RELN: variants seen among roughly 807,000 people sequenced by gnomAD.
RELN encodes reelin.
RELN carries 108 observed loss-of-function variants against 427.6 expected under a neutral mutation model. The observed-to-expected ratio is 0.25, with a 90% CI of 0.22 to 0.30. The LOEUF is 0.30. RELN is among the 10% of genes least tolerant of loss of function. The probability of loss-of-function intolerance (pLI) is 1.00; values close to 1 mark genes in which losing one functional copy is unlikely to be tolerated. For synonymous variants in RELN, 1,524 were observed against 1,513.4 expected (o/e 1.01, Z -0.16); for missense variants, 3,715 against 4,302.8 (o/e 0.86, Z 3.82).
At chr7:103,773,449 C>T (rs1219313293) in intron 4 of RELN, among the ~76,000 whole-genome samples, 2 of 145,278 alleles carry the variant, frequency 1.4e-5, no homozygotes, top group Non-Finnish European at 3.0e-5. Flanking sequence ...CTCTCTCCCT[C>T]GCTCCCTCCC....
intron 6 of RELN, among the ~76,000 whole-genome samples, chr7:103,729,295 T>C (rs1317768115): frequency 6.6e-6 from 1 of 152,170 alleles, no homozygotes; most frequent in Non-Finnish European, 1.5e-5. Context: ...AGCCGTTTGT[T>C]AATTTTAAAG....
intron 10 of RELN, among the ~76,000 whole-genome samples, chr7:103,697,541 C>T (rs1314763908): frequency 6.6e-6 from 1 of 152,084 alleles, no homozygotes; most frequent in Non-Finnish European, 1.5e-5. Context: ...TTTAACTCCC[C>T]CAAACTAAAC....
chr7:103,655,724 A>G (rs532297337), intron 12 of RELN, among the ~76,000 whole-genome samples: 78 of 152,250 alleles, frequency 5.1e-4, no homozygotes, highest in African/African-American at 1.3e-3. Context: ...AGACTTTCAT[A>G]GGATGTCCAT....
chr7:103,753,370 G>GA (rs1248409561), intron 4 of RELN, among the ~76,000 whole-genome samples, 156 bp from the exon 5 acceptor site: 1 of 152,092 alleles, frequency 6.6e-6, no homozygotes, highest in East Asian at 1.9e-4. Flanking sequence ...TGGAACCCTT[G>GA]AAAAAATAGA....
At chr7:103,553,385 T>G in intron 40 of RELN, 76 bp downstream of exon 40, 13 of 1,108,566 alleles carry the variant, frequency 1.2e-5, no homozygotes, top group Middle Eastern at 2.0e-4. Flanking sequence ...TGAAATTATC[T>G]GAGATTTTCC....
At chr7:103,495,216 C>A (rs1308256823) in intron 57 of RELN, among the ~76,000 whole-genome samples, 1 of 135,158 alleles carries the variant, frequency 7.4e-6, no homozygotes, top group Non-Finnish European at 1.5e-5. Flanking sequence ...CTCGTTCTGT[C>A]GCCCACAGTG....
intron 1 of RELN, among the ~76,000 whole-genome samples, chr7:103,959,636 G>A (rs995755039): frequency 6.6e-6 from 1 of 151,882 alleles, no homozygotes; most frequent in African/African-American, 2.4e-5. Context: ...TCTGAGACAG[G>A]GTCTCGTTCC....
intron 2 of RELN, among the ~76,000 whole-genome samples, chr7:103,874,883 A>G (rs1584321485): frequency 6.8e-6 from 1 of 147,342 alleles, no homozygotes; most frequent in Admixed American, 6.8e-5. Context: ...GAACCAAAAA[A>G]GAGCCTGCAT....
intron 17 of RELN, among the ~76,000 whole-genome samples, chr7:103,637,898 T>A (rs1459760829): frequency 6.6e-6 from 1 of 152,220 alleles, no homozygotes; most frequent in African/African-American, 2.4e-5. Context: ...CATTTTTGTG[T>A]ATCTTAAATG....
At chr7:103,828,509 T>TTAAA (rs1416419531) in intron 3 of RELN, among the ~76,000 whole-genome samples, 6 of 152,074 alleles carry the variant, frequency 3.9e-5, no homozygotes, top group Admixed American at 1.3e-4. Flanking sequence ...TCACATAATA[T>TTAAA]TAAATCATCA....
chr7:103,544,086 T>C (rs560972379), intron 42 of RELN, among the ~76,000 whole-genome samples: 9 of 152,336 alleles, frequency 5.9e-5, no homozygotes, highest in African/African-American at 2.2e-4. Context: ...TGTTGTAGCA[T>C]GTATCAGTAT....
At chr7:103,957,143 A>T (rs1366341322) in intron 1 of RELN, among the ~76,000 whole-genome samples, 1 of 152,186 alleles carries the variant, frequency 6.6e-6, no homozygotes, top group Non-Finnish European at 1.5e-5. Context: ...CATTGGAAAT[A>T]TTAATGGAAC....
At chr7:103,486,128 C>T (rs747052594) in intron 61 of RELN, 69 bp downstream of exon 61, 579 of 1,432,382 alleles carry the variant, frequency 4.0e-4, no homozygotes, top group Non-Finnish European at 5.6e-4. Context: ...TCCTATCTAA[C>T]AGACAATGGA....
intron 46 of RELN, among the ~76,000 whole-genome samples, chr7:103,532,416 A>C (rs960129309): frequency 1.3e-5 from 2 of 152,152 alleles, no homozygotes; most frequent in African/African-American, 4.8e-5. Flanking sequence ...CTATGTAACA[A>C]ACCTACACAT....
rs76630813 is a variant in RELN at position 103,983,699 on chromosome 7, T to C, written c.226+5432A>G. The stretch of plus-strand genomic sequence containing the variant: ...AAATACTTAGATAAGTCAATTTGCC[T>C]TTTAACGTGTATTAAGTCATTACTC... On this transcript the variant is annotated intron_variant, in intron 1 of 64. Coordinates refer to ENST00000428762, the MANE Select transcript of RELN (RefSeq NM_005045.4). 7.9e-3 allele frequency among the ~76,000 whole-genome samples: 1,199 copies of C among 152,306 alleles called. 37 individuals are homozygous for C. The East Asian group carries it at 0.11, about 13-fold the overall frequency.
rs73712273 is a variant in RELN at position 103,881,818 on chromosome 7, C to T, written c.337+35257G>A. ...AAACATCACGAATGAATAAATGTTA[C>T]TGTTTTAAGCAACAAGGTTTTGGGT... On this transcript the variant is annotated intron_variant, in intron 2 of 64. Transcript: ENST00000428762. Among the ~76,000 whole-genome samples, 742 of 152,276 alleles carry T rather than the reference C, an allele frequency of 4.9e-3. 4 individuals carry two copies. Among genetic ancestry groups the T allele is most frequent in the African/African-American group, 0.017 (693 of 41,552 alleles).
chr7:103,979,709 A>G (rs1796951325), intron 1 of RELN, among the ~76,000 whole-genome samples: 1 of 152,334 alleles, frequency 6.6e-6, no homozygotes, highest in African/African-American at 2.4e-5. Context: ...CTGCAGACTA[A>G]CAACATTTAC....
At chr7:103,869,616 C>T (rs3886301) in intron 2 of RELN, among the ~76,000 whole-genome samples, 1 of 151,862 alleles carries the variant, frequency 6.6e-6, no homozygotes, top group Non-Finnish European at 1.5e-5. Flanking sequence ...GTTTCTGATA[C>T]GAAATAAGCA....
At position 103,848,987 on chromosome 7, in the gene RELN, C is replaced by T. The variant is rs1001050945; in HGVS notation, c.338-15315G>A. 3.9e-5 allele frequency among the ~76,000 whole-genome samples: 6 copies of T among 152,106 alleles called. No homozygotes were observed. The South Asian group carries it at 6.2e-4, about 16-fold the overall frequency. ...GAACAGCAGCAAAAGTTCCCCATAC[C>T]CTACCTGGGACAGCCTAACAGACTT... On this transcript the variant is annotated intron_variant, in intron 2 of 64. Transcript: ENST00000428762.
Sources: gnomAD v4.1 joint callset for allele counts (sites outside exome capture counted in the v4.1 genomes callset) on GRCh38, gnomAD v4.1.1 for gene constraint, MANE v1.5 for transcripts, NCBI Gene and HGNC (gene_info 2026-07-23, HGNC 2026-07-21) for gene names.